Variants in TENM2 observed in about 807,000 individuals in gnomAD.
TENM2 encodes teneurin-2.
Under a neutral mutation model 245.2 loss-of-function variants are expected in TENM2, and 52 were observed. That is an observed-to-expected ratio of 0.21 (90% CI 0.17 to 0.27). The LOEUF (loss-of-function observed/expected upper bound fraction) is 0.27. Among genes scored for constraint, TENM2 ranks in the 10% least tolerant of loss-of-function variants. The pLI is 1.00. For missense variants in TENM2, 3,046 were observed against 3,666.8 expected (o/e 0.83, Z 4.37); for synonymous variants, 1,363 against 1,438.9 (o/e 0.95, Z 1.19).
intron 5 of TENM2, among the ~76,000 whole-genome samples, chr5:168,011,677 A>G (rs1484426642): frequency 1.3e-5 from 2 of 152,104 alleles, no homozygotes; most frequent in Non-Finnish European, 2.9e-5. Flanking sequence ...CTTCACAGAA[A>G]CAAGCTGTGG....
downstream of TENM2, chr5:168,263,183 A>AAAAAC (rs762787425): frequency 5.5e-6 from 1 of 181,652 alleles, no homozygotes; most frequent in African/African-American, 2.4e-5. Context: ...GAAAACAAAC[A>AAAAAC]AAAACAAAAC....
intron 2 of TENM2, among the ~76,000 whole-genome samples, chr5:167,737,779 A>G (rs1479038137): frequency 6.6e-6 from 1 of 152,254 alleles, no homozygotes; most frequent in Non-Finnish European, 1.5e-5. Context: ...ACCCAAAGAC[A>G]TTGTTTCTGC....
At chr5:167,375,852 T>A (rs928324717) in intron 2 of TENM2, among the ~76,000 whole-genome samples, 37 of 150,702 alleles carry the variant, frequency 2.5e-4, no homozygotes, top group African/African-American at 9.2e-4. Context: ...ACCTGGGTTA[T>A]TTTTTTTCGT....
At chr5:167,716,992 T>C (rs1759316912) in intron 2 of TENM2, among the ~76,000 whole-genome samples, 1 of 151,758 alleles carries the variant, frequency 6.6e-6, no homozygotes, top group African/African-American at 2.4e-5. Context: ...AGTCTTGCTC[T>C]GTTGCCTAGA....
chr5:167,053,127 A>C, the TENM2 span, among the ~76,000 whole-genome samples: 1 of 152,128 alleles, frequency 6.6e-6, no homozygotes, highest in Non-Finnish European at 1.5e-5. Context: ...TATCTGGTGA[A>C]TTATTTCATC....
the TENM2 span, among the ~76,000 whole-genome samples, chr5:167,079,820 C>G: frequency 1.3e-5 from 2 of 152,228 alleles, no homozygotes; most frequent in African/African-American, 2.4e-5. Flanking sequence ...ATAGCTACTT[C>G]GAGGAAACAA....
intron 10 of TENM2, 24 bp from the exon 13 acceptor site, chr5:168,124,826 G>A (rs761730767): frequency 3.2e-6 from 5 of 1,583,732 alleles, no homozygotes; most frequent in Non-Finnish European, 4.3e-6. Context: ...TTTATTCTTT[G>A]GTTTTTGTTT....
intron 2 of TENM2, among the ~76,000 whole-genome samples, chr5:167,855,447 C>T (rs1770975777): frequency 1.3e-5 from 2 of 151,940 alleles, no homozygotes; most frequent in African/African-American, 4.8e-5. Flanking sequence ...TGTTCGTATA[C>T]ATGTGTCTGT....
the TENM2 span, among the ~76,000 whole-genome samples, chr5:167,113,956 T>C: frequency 1.3e-5 from 2 of 152,130 alleles, no homozygotes; most frequent in Non-Finnish European, 2.9e-5. Flanking sequence ...AATCAGTATA[T>C]GCAAAGAGTA....
intron 5 of TENM2, among the ~76,000 whole-genome samples, chr5:168,041,939 A>G (rs748606440): frequency 5.3e-5 from 8 of 152,224 alleles, no homozygotes; most frequent in African/African-American, 1.2e-4. Context: ...CAGGTTGCCT[A>G]TGCAAGTTCA....
intron 3 of TENM2, among the ~76,000 whole-genome samples, chr5:167,945,685 G>A (rs1252533885): frequency 3.9e-5 from 6 of 152,054 alleles, no homozygotes; most frequent in South Asian, 2.1e-4. Flanking sequence ...GCGTCATTGC[G>A]AATGCATTCG....
At chr5:167,740,772 C>G (rs1480246801) in intron 2 of TENM2, among the ~76,000 whole-genome samples, 1 of 152,150 alleles carries the variant, frequency 6.6e-6, no homozygotes, top group African/African-American at 2.4e-5. Context: ...ATGATCAGGA[C>G]AATCCTTCCT....
At chr5:167,680,590 T>C (rs1756639747) in intron 2 of TENM2, among the ~76,000 whole-genome samples, 3 of 152,016 alleles carry the variant, frequency 2.0e-5, no homozygotes, top group Admixed American at 2.0e-4. Context: ...GGCCAAGGTG[T>C]GGAAAATAAA....
chr5:167,189,747 A>G, the TENM2 span, among the ~76,000 whole-genome samples: 3 of 152,054 alleles, frequency 2.0e-5, no homozygotes, highest in East Asian at 1.9e-4. Flanking sequence ...GAGTAGCCAT[A>G]TATTATTTTA....
chr5:167,828,930 T>C (rs1233413651), intron 2 of TENM2, among the ~76,000 whole-genome samples: 4 of 152,210 alleles, frequency 2.6e-5, no homozygotes, highest in Admixed American at 2.0e-4. Context: ...CAGGGTTCTC[T>C]GGCTCTTGGT....
chr5:167,704,425 G>A (rs1408586957), intron 2 of TENM2, among the ~76,000 whole-genome samples: 2 of 152,056 alleles, frequency 1.3e-5, no homozygotes, highest in African/African-American at 2.4e-5. Context: ...TAATACAAAC[G>A]CGTAAGACCA....
At chr5:167,340,147 A>C (rs1380131906) in intron 1 of TENM2, among the ~76,000 whole-genome samples, 3 of 152,164 alleles carry the variant, frequency 2.0e-5, no homozygotes, top group Admixed American at 1.3e-4. Context: ...TATAACAAGG[A>C]CACCTTTCCT....
At chr5:167,801,113 T>TAC (rs1765721848) in intron 2 of TENM2, among the ~76,000 whole-genome samples, 4 of 47,358 alleles carry the variant, frequency 8.4e-5, no homozygotes, top group Admixed American at 3.2e-4. Context: ...AAAAAAAATA[T>TAC]ATATATATAT....
intron 4 of TENM2, among the ~76,000 whole-genome samples, chr5:167,961,276 G>A (rs537956846): frequency 6.6e-6 from 1 of 152,296 alleles, no homozygotes; most frequent in South Asian, 2.1e-4. Context: ...GCCCTGATAT[G>A]GTAAACCATT....
Sources: allele counts gnomAD v4.1 joint callset (sites outside exome capture counted in the v4.1 genomes callset), GRCh38; gene constraint gnomAD v4.1.1; transcripts MANE v1.5; gene names NCBI Gene and HGNC (gene_info 2026-07-23, HGNC 2026-07-21).